CNTN4: variants seen among roughly 807,000 people sequenced by gnomAD.
CNTN4 encodes contactin-4.
A neutral mutation model predicts 122.5 loss-of-function variants in CNTN4; 77 were observed. The observed-to-expected ratio is 0.63, with a 90% CI of 0.52 to 0.76. CNTN4 has a LOEUF of 0.76. CNTN4 is among the 30% of genes least tolerant of loss of function. The probability of loss-of-function intolerance (pLI) is 0.00; values close to 1 mark genes in which losing one functional copy is unlikely to be tolerated. For synonymous variants in CNTN4, 512 were observed against 447.0 expected (o/e 1.15, Z -1.83); for missense variants, 1,256 against 1,259.1 (o/e 1.00, Z 0.04).
At chr3:2,407,003 C>T (rs2047061377) in intron 3 of CNTN4, among the ~76,000 whole-genome samples, 1 of 152,082 alleles carries the variant, frequency 6.6e-6, no homozygotes, top group Admixed American at 6.5e-5. Flanking sequence ...TCTTAAATTC[C>T]AGTTGCACTT....
intron 2 of CNTN4, among the ~76,000 whole-genome samples, chr3:2,316,340 C>T (rs557377482): frequency 1.7e-4 from 26 of 151,950 alleles, no homozygotes; most frequent in African/African-American, 5.5e-4. Context: ...TGAGGCATTT[C>T]CCCCCACTGA....
chr3:2,483,409 T>A (rs1302070914), intron 3 of CNTN4, among the ~76,000 whole-genome samples: 1 of 152,130 alleles, frequency 6.6e-6, no homozygotes, highest in African/African-American at 2.4e-5. Flanking sequence ...CAGATGACAT[T>A]TTGGACTTGG....
intron 6 of CNTN4, among the ~76,000 whole-genome samples, chr3:2,781,312 A>G (rs1057494920): frequency 4.3e-4 from 65 of 152,192 alleles, no homozygotes; most frequent in Admixed American, 7.9e-4. Context: ...ATCATCATTA[A>G]CAAATCAAAT....
chr3:3,013,023 C>T (rs1374482602), intron 14 of CNTN4, among the ~76,000 whole-genome samples: 1 of 152,080 alleles, frequency 6.6e-6, no homozygotes, highest in Non-Finnish European at 1.5e-5. Context: ...GAACATCACC[C>T]TCTTCTTACT....
rs565296867 is a variant in CNTN4 at position 2,269,901 on chromosome 3, T to A, written c.-144-69277T>A. ...CGCCCATCCCCTATTATAGCCAGTT[T>A]GTTTGTTTGTTTGTTTATTTATTTA... On this transcript the variant is annotated intron_variant, in intron 2 of 24. Transcript: ENST00000418658. Among the ~76,000 whole-genome samples, 2 of 45,846 alleles carry A rather than the reference T, an allele frequency of 4.4e-5. 1 individual carries two copies. The highest frequency in any genetic ancestry group is 9.3e-5 in the African/African-American group (2 of 21,588). 30.1% of individuals were successfully genotyped at this position (45,846 alleles called of 152,430 possible). A position where few individuals can be genotyped will look rare whatever the true frequency, so the allele number is the denominator to read the frequency against.
At chr3:2,968,005 G>C (rs1029522810) in intron 13 of CNTN4, among the ~76,000 whole-genome samples, 1 of 152,082 alleles carries the variant, frequency 6.6e-6, no homozygotes, top group Admixed American at 6.5e-5. Flanking sequence ...TTGAAAGTTA[G>C]GGAAGTCTGC....
At chr3:2,964,245 G>A (rs896528232) in intron 13 of CNTN4, among the ~76,000 whole-genome samples, 2 of 151,908 alleles carry the variant, frequency 1.3e-5, no homozygotes, top group African/African-American at 2.4e-5. Context: ...CAAAGTAATC[G>A]GCAATTTCAT....
chr3:2,178,742 T>TG (rs1553593643), intron 2 of CNTN4, among the ~76,000 whole-genome samples: 1 of 152,030 alleles, frequency 6.6e-6, no homozygotes. Context: ...GTATCTTTTT[T>TG]GGGGGGTAGG....
intron 4 of CNTN4, among the ~76,000 whole-genome samples, chr3:2,586,187 C>G (rs1403346856): frequency 1.3e-5 from 2 of 152,176 alleles, no homozygotes; most frequent in Admixed American, 6.5e-5. Flanking sequence ...CAGATACTTC[C>G]CACCTACTTT....
Position 3,022,071 on chromosome 3 carries a change from CAAA to C in CNTN4, c.1487-4013_1487-4011del, listed in dbSNP as rs36094888. Among the ~76,000 whole-genome samples the C allele has an allele frequency of 1.7e-3, 185 of 110,562 alleles. 1 individual carries two copies. The highest frequency in any genetic ancestry group is 3.4e-3 in the African/African-American group (97 of 28,566). 72.5% of individuals were successfully genotyped at this position (110,562 alleles called of 152,430 possible). On this transcript the variant is annotated intron_variant, in intron 14 of 24. Transcript: ENST00000418658. The stretch of plus-strand genomic sequence containing the variant: ...AAAAACCCTGCCTCTACCAAGAATT[CAAA>C]AAAAAAAAAAAAAAAAAGAATTAGT...
chr3:3,056,394 A>C lies in CNTN4; in HGVS notation c.*174A>C, dbSNP rs1701803356. On this transcript the variant is annotated 3_prime_UTR_variant, in exon 25 of 25. Coordinates refer to ENST00000418658, the MANE Select transcript of CNTN4 (RefSeq NM_175607.3). ...TACAGTACTTCCTCAAAGCAAATCT[A>C]GCTTTGTCTGAAGTTTCTTTGGAAA... 5.1e-6 allele frequency: 3 copies of C among 592,120 alleles called. No homozygotes were observed. Among genetic ancestry groups the C allele is most frequent in the Admixed American group, 2.7e-5 (1 of 36,796 alleles). The allele number at this position is 592,120 out of a possible 1,614,324, so 36.7% of individuals were successfully genotyped here. A position where few individuals can be genotyped will look rare whatever the true frequency, so the allele number is the denominator to read the frequency against.
intron 4 of CNTN4, among the ~76,000 whole-genome samples, chr3:2,705,885 A>G (rs2086691903): frequency 1.3e-5 from 1 of 74,872 alleles, no homozygotes; most frequent in Non-Finnish European, 2.4e-5. Context: ...TATTTTTTAT[A>G]TAATATATAA....
At chr3:2,440,751 T>C (rs2048405347) in intron 3 of CNTN4, among the ~76,000 whole-genome samples, 1 of 150,446 alleles carries the variant, frequency 6.6e-6, no homozygotes, top group African/African-American at 2.4e-5. Flanking sequence ...AATGAATATA[T>C]GTGTGAATAT....
chr3:2,679,246 G>T (rs1231287280), intron 4 of CNTN4, among the ~76,000 whole-genome samples: 1 of 152,028 alleles, frequency 6.6e-6, no homozygotes, highest in Non-Finnish European at 1.5e-5. Context: ...CTAATCATTG[G>T]AGATATTGCC....
At chr3:2,886,438 A>G (rs1440924695) in intron 9 of CNTN4, among the ~76,000 whole-genome samples, 2 of 151,782 alleles carry the variant, frequency 1.3e-5, no homozygotes, top group Non-Finnish European at 2.9e-5. Context: ...AAAGCAAAAA[A>G]CATATGAGGA....
At chr3:2,801,981 A>T (rs2675319) in intron 6 of CNTN4, among the ~76,000 whole-genome samples, 11 of 152,116 alleles carry the variant, frequency 7.2e-5, no homozygotes, top group African/African-American at 2.7e-4. Flanking sequence ...AATAAGTACT[A>T]TAAAAATGTA....
At chr3:2,794,476 A>G (rs1458719064) in intron 6 of CNTN4, among the ~76,000 whole-genome samples, 1 of 152,240 alleles carries the variant, frequency 6.6e-6, no homozygotes, top group Non-Finnish European at 1.5e-5. Context: ...TTCATAGAAA[A>G]GCACTGTTTT....
intron 4 of CNTN4, among the ~76,000 whole-genome samples, chr3:2,604,676 C>G (rs1043970864): frequency 1.2e-4 from 18 of 152,084 alleles, no homozygotes; most frequent in Non-Finnish European, 1.8e-4. Flanking sequence ...TTTTAAACTA[C>G]TTTATTGAGG....
At chr3:2,457,381 A>C (rs533491987) in intron 3 of CNTN4, among the ~76,000 whole-genome samples, 1 of 152,184 alleles carries the variant, frequency 6.6e-6, no homozygotes, top group African/African-American at 2.4e-5. Flanking sequence ...TATATAACAA[A>C]CAACAAAAAA....
Sources: allele counts gnomAD v4.1 joint callset (sites outside exome capture counted in the v4.1 genomes callset), GRCh38; gene constraint gnomAD v4.1.1; transcripts MANE v1.5; gene names NCBI Gene and HGNC (gene_info 2026-07-23, HGNC 2026-07-21).